EMILIN2: variants seen among roughly 807,000 people sequenced by gnomAD.
EMILIN2 encodes the protein EMILIN-2.
A neutral mutation model predicts 87.1 loss-of-function variants in EMILIN2; 71 were observed. The observed-to-expected ratio is 0.82, with a 90% CI of 0.67 to 0.99. The LOEUF (loss-of-function observed/expected upper bound fraction) is 0.99. EMILIN2 is among the 50% of genes least tolerant of loss of function. The pLI is 0.00. For synonymous variants in EMILIN2, 581 were observed against 563.4 expected, an observed-to-expected ratio of 1.03 and a Z score of -0.44; for missense variants, 1,407 against 1,371.8, an observed-to-expected ratio of 1.03 and a Z score of -0.40.
At position 2,890,609 on chromosome 18, in the gene EMILIN2, C is replaced by G; in HGVS notation, c.482C>G (p.Thr161Ser). ...FSEPRKTLSP[T>S]GTAQPSWGVD... ...GAGCCCAGGAAGACTTTGTCCCCAA[C>G]TGGTACAGCACAACCAAGCTGGGGG... is the stretch of plus-strand genomic sequence containing the variant. Residue 161 changes from threonine to serine, a missense_variant, in exon 4 of 8, where the codon ACT becomes AGT. By Grantham distance (58) the Thr-to-Ser change is moderately conservative. Transcript: ENST00000254528. The surrounding 1 kb of genome is among the most constrained non-coding windows in gnomAD (Gnocchi z 4.7). The G allele has an allele frequency of 6.2e-7, 1 of 1,605,526 alleles. No homozygotes were observed. Among genetic ancestry groups the G allele is most frequent in the Admixed American group, 1.7e-5 (1 of 59,628 alleles).
At chr18:2,873,521 C>G (rs2076731617) in intron 2 of EMILIN2, among the ~76,000 whole-genome samples, 1 of 151,972 alleles carries the variant, frequency 6.6e-6, no homozygotes, top group South Asian at 2.1e-4. Context: ...TCCTGGCTAA[C>G]ACGGTGAAAC....
intron 4 of EMILIN2, among the ~76,000 whole-genome samples, chr18:2,905,549 A>G (rs963053705): frequency 5.3e-5 from 8 of 151,808 alleles, no homozygotes; most frequent in African/African-American, 1.9e-4. Flanking sequence ...GACTGCAGTC[A>G]CCCTGTTGTG....
At chr18:2,879,558 G>A (rs2076766401) in intron 2 of EMILIN2, among the ~76,000 whole-genome samples, 1 of 151,978 alleles carries the variant, frequency 6.6e-6, no homozygotes, top group South Asian at 2.1e-4. Flanking sequence ...CTACTAGGGA[G>A]GCTGAGGCAG....
chr18:2,905,573 G>C (rs2076906656), intron 4 of EMILIN2, among the ~76,000 whole-genome samples: 1 of 151,762 alleles, frequency 6.6e-6, no homozygotes, highest in Non-Finnish European at 1.5e-5. Context: ...TCAGATACTA[G>C]ATCTTATTAA....
chr18:2,884,961 C>T lies in EMILIN2; in HGVS notation c.258-3C>T. On this transcript the variant is annotated splice_region_variant and splice_polypyrimidine_tract_variant and intron_variant, in intron 2 of 7. Coordinates refer to ENST00000254528, the MANE Select transcript of EMILIN2 (RefSeq NM_032048.3). ...AGAGAGATGCCATCCCTTCTGTCCA[C>T]AGGTATCGAGTGAACTTCAGACCTA... 1 of 1,592,718 alleles carries T rather than the reference C, an allele frequency of 6.3e-7. No individual in the cohort carries two copies. Among genetic ancestry groups the T allele is most frequent in the South Asian group, 1.1e-5 (1 of 87,764 alleles).
At position 2,913,161 on chromosome 18, in the gene EMILIN2, C is replaced by T; in HGVS notation, c.2919C>T (p.Ser973=). 2 of 1,614,058 alleles carry T rather than the reference C, an allele frequency of 1.2e-6. No homozygotes were observed. Among genetic ancestry groups the T allele is most frequent in the Non-Finnish European group, 1.7e-6 (2 of 1,180,026 alleles). Residue 973 remains serine, a synonymous_variant, in exon 8 of 8, where the codon TCC becomes TCT. Coordinates refer to ENST00000254528, the MANE Select transcript of EMILIN2 (RefSeq NM_032048.3). The part of the protein sequence containing the change: ...DAYVEAVLSV[S]NASVAQLHTA... ...ACGTGGAAGCAGTGCTGTCGGTCTC[C>T]AACGCCAGCGTGGCCCAGCTGCATA...
At chr18:2,897,468 C>T (rs1174404723) in intron 4 of EMILIN2, among the ~76,000 whole-genome samples, 2 of 152,166 alleles carry the variant, frequency 1.3e-5, no homozygotes, top group African/African-American at 4.8e-5. Flanking sequence ...GGTGAAGGGC[C>T]CTGGTGGCTC....
intron 3 of EMILIN2, among the ~76,000 whole-genome samples, chr18:2,888,434 G>A (rs2076813827): frequency 1.3e-5 from 2 of 151,866 alleles, no homozygotes; most frequent in South Asian, 2.1e-4. Flanking sequence ...AGAGAATAAC[G>A]GCCGGGCGCG....
rs1231229321 is a variant in EMILIN2, at chr18:2,852,353, GAGCTCGACC to G, written c.257+4423_257+4431del. ...TATCGGACATACTGCATGGACCAGTGAGCTCGACCGCTTCAGGACTTCCACATGTATGTT... is the reference window on the plus strand; with the variant it reads ...TATCGGACATACTGCATGGACCAGTGGCTTCAGGACTTCCACATGTATGTT... On this transcript the variant is annotated intron_variant, in intron 2 of 7. Transcript: ENST00000254528. Among the ~76,000 whole-genome samples, 4 of 152,280 alleles carry G rather than the reference GAGCTCGACC, an allele frequency of 2.6e-5. No homozygotes were observed. In the East Asian group the frequency reaches 7.7e-4, roughly 29 times the overall value.
At chr18:2,870,288 A>G (rs1204230064) in intron 2 of EMILIN2, among the ~76,000 whole-genome samples, 2 of 152,250 alleles carry the variant, frequency 1.3e-5, no homozygotes, top group African/African-American at 4.8e-5. Context: ...AACATTTCAC[A>G]TTTATAGCCC....
At chr18:2,866,501 A>G (rs528118271) in intron 2 of EMILIN2, among the ~76,000 whole-genome samples, 6 of 152,320 alleles carry the variant, frequency 3.9e-5, no homozygotes, top group Admixed American at 3.3e-4. Context: ...TTTGGTGTAT[A>G]CGCTTTTGGT....
intron 3 of EMILIN2, among the ~76,000 whole-genome samples, chr18:2,887,551 TGCTCCCTCTC>T (rs368088382): frequency 4.1e-4 from 63 of 152,218 alleles, no homozygotes; most frequent in African/African-American, 1.3e-3. Context: ...CCTTCCCTCT[TGCTCCCTCTC>T]GCTCCCTCTC....
intron 7 of EMILIN2, among the ~76,000 whole-genome samples, chr18:2,912,741 T>C (rs894791365): frequency 2.6e-5 from 4 of 152,146 alleles, no homozygotes; most frequent in African/African-American, 9.7e-5. Context: ...AAGCTTCGTT[T>C]TTATTGGCCC....
chr18:2,891,220 G>A lies in EMILIN2; in HGVS notation c.1093G>A (p.Val365Met), dbSNP rs747725746. 4 of 1,614,222 alleles carry A rather than the reference G, an allele frequency of 2.5e-6. No homozygotes were observed. The South Asian group carries it at 3.3e-5, about 13-fold the overall frequency. The stretch of plus-strand genomic sequence containing the variant: ...TGACTATGGGAGCAGCTACCTGGGA[G>A]TGATAGAGCTCATAGGGGAGAAGGA... ...CDDYGSSYLG[V>M]IELIGEKETS... is the part of the protein sequence containing the mutation. Residue 365 changes from valine (V) to methionine (M), a missense_variant, in exon 4 of 8, where the codon GTG becomes ATG. Physicochemically the swap from Val to Met is conservative, Grantham distance 21 (BLOSUM62 1). Transcript: ENST00000254528. The surrounding 1 kb of genome is among the most constrained non-coding windows in gnomAD (Gnocchi z 4.6).
At chr18:2,884,035 A>C (rs1362329512) in intron 2 of EMILIN2, among the ~76,000 whole-genome samples, 1 of 152,084 alleles carries the variant, frequency 6.6e-6, no homozygotes, top group African/African-American at 2.4e-5. Context: ...GGCTCACTGC[A>C]AGCTCCACCT....
chr18:2,907,416 C>T (rs1243960764), intron 5 of EMILIN2, among the ~76,000 whole-genome samples: 2 of 152,210 alleles, frequency 1.3e-5, no homozygotes, highest in Non-Finnish European at 2.9e-5. Context: ...GCTTGGGTAG[C>T]AGCAAAGCAG....
At chr18:2,846,981 A>G, upstream of EMILIN2, 2 of 1,008,028 alleles carry the variant, frequency 2.0e-6, no homozygotes, top group Non-Finnish European at 2.4e-6. The surrounding 1 kb of genome is among the most constrained non-coding windows in gnomAD (Gnocchi z 5.3). Context: ...GGGACCGGGG[A>G]GAAGCGCAGG....
intron 4 of EMILIN2, chr18:2,906,554 A>C: frequency 2.7e-6 from 1 of 364,168 alleles, no homozygotes; most frequent in Non-Finnish European, 4.9e-6. Flanking sequence ...GAGAGGCTGG[A>C]AACGCCCCGG....
intron 2 of EMILIN2, among the ~76,000 whole-genome samples, chr18:2,855,397 G>T (rs938365870): frequency 6.6e-6 from 1 of 152,188 alleles, no homozygotes; most frequent in Non-Finnish European, 1.5e-5. Flanking sequence ...CATGCTGAGG[G>T]GCTACACTTT....
Sources: allele counts gnomAD v4.1 joint callset (sites outside exome capture counted in the v4.1 genomes callset), GRCh38; gene constraint gnomAD v4.1.1; non-coding constraint Gnocchi (gnomAD v3.1); transcripts MANE v1.5; gene names NCBI Gene and HGNC (gene_info 2026-07-23, HGNC 2026-07-21).